PGM5: variants seen among roughly 807,000 people sequenced by gnomAD.
PGM5 encodes the protein phosphoglucomutase-like protein 5.
PGM5 carries 23 observed loss-of-function variants against 59.2 expected under a neutral mutation model. The ratio of observed to expected loss-of-function variants is 0.39; its 90% CI spans 0.28 to 0.55. The LOEUF (loss-of-function observed/expected upper bound fraction) is 0.55. PGM5 is among the 20% of genes least tolerant of loss of function. The pLI, the probability that PGM5 is intolerant of heterozygous loss-of-function variation, is 0.66. For missense variants in PGM5, 574 were observed against 748.3 expected (o/e 0.77, Z 2.72); for synonymous variants, 214 against 286.0 (o/e 0.75, Z 2.54).
chr9:68,356,974 C>T lies in PGM5; in HGVS notation c.-154C>T, dbSNP rs1405568298. The T allele has an allele frequency of 3.5e-4, 243 of 685,918 alleles. 1 individual carries two copies. The highest frequency in any genetic ancestry group is 3.4e-3 in the Middle Eastern group (8 of 2,332). The allele number at this position is 685,918 out of a possible 1,614,324, so 42.5% of individuals were successfully genotyped here. On this transcript the variant is annotated 5_prime_UTR_variant, in exon 1 of 11. Transcript: ENST00000396396. Reference sequence around the variant, plus strand: ...AGAGGAGGGGCGGGCGGTCCCCAGGCGGGCGGGTGCAGGGCGCAGGGCGCC... The same window carrying T: ...AGAGGAGGGGCGGGCGGTCCCCAGGTGGGCGGGTGCAGGGCGCAGGGCGCC...
chr9:68,471,199 G>A (rs548226406), intron 7 of PGM5, among the ~76,000 whole-genome samples: 4 of 152,316 alleles, frequency 2.6e-5, no homozygotes, highest in African/African-American at 9.6e-5. Flanking sequence ...AGAGTATCCT[G>A]GGACTGACTG....
At chr9:68,499,398 C>T in intron 10 of PGM5, 37 bp downstream of exon 10, 2 of 1,597,868 alleles carry the variant, frequency 1.3e-6, no homozygotes, top group Admixed American at 3.5e-5. Flanking sequence ...GTGTGTCTCG[C>T]AGCTCCTGGC....
intron 9 of PGM5, among the ~76,000 whole-genome samples, chr9:68,488,714 C>T (rs1244976774): frequency 6.6e-6 from 1 of 152,140 alleles, no homozygotes; most frequent in East Asian, 1.9e-4. Context: ...AAGAGAGACT[C>T]TGTTTGATTT....
intron 1 of PGM5, among the ~76,000 whole-genome samples, chr9:68,360,703 C>T (rs1448427420): frequency 6.6e-6 from 1 of 152,004 alleles, no homozygotes; most frequent in Non-Finnish European, 1.5e-5. Context: ...AGATTGTAAA[C>T]ATTTTCCTAT....
In PGM5 at chr9:68,431,664, A is replaced by T. The variant is rs1294804016; in HGVS notation, c.1044-33429A>T. ...CAGTCTTCTTCTAGAATGATCTTAT[A>T]ACAGCTAGAAGGGCAAAATACACTT... On this transcript the variant is annotated intron_variant, in intron 6 of 10. Transcript: ENST00000396396. Among the ~76,000 whole-genome samples, 9 of 152,202 alleles carry T rather than the reference A, an allele frequency of 5.9e-5. 1 individual carries two copies. The highest frequency in any genetic ancestry group is 1.3e-4 in the Admixed American group (2 of 15,278).
At chr9:68,425,359 A>G (rs899891841) in intron 6 of PGM5, among the ~76,000 whole-genome samples, 1 of 152,196 alleles carries the variant, frequency 6.6e-6, no homozygotes, top group South Asian at 2.1e-4. Context: ...TCCACCATGA[A>G]AGGGGTCGAG....
At chr9:68,485,013 A>T (rs1344971872) in intron 9 of PGM5, among the ~76,000 whole-genome samples, 1 of 152,216 alleles carries the variant, frequency 6.6e-6, no homozygotes, top group Non-Finnish European at 1.5e-5. Flanking sequence ...TTGCTCACCG[A>T]CAAGGAAGGC....
chr9:68,460,737 C>G (rs1350935250), intron 6 of PGM5, among the ~76,000 whole-genome samples: 2 of 152,138 alleles, frequency 1.3e-5, no homozygotes, highest in African/African-American at 4.8e-5. Flanking sequence ...TATTAGTCAA[C>G]TGAAATCATA....
intron 6 of PGM5, among the ~76,000 whole-genome samples, chr9:68,439,456 T>C (rs961620167): frequency 6.2e-5 from 9 of 146,018 alleles, no homozygotes; most frequent in African/African-American, 2.0e-4. Flanking sequence ...ATATGTAAAA[T>C]ATATATATAT....
chr9:68,507,052 G>C (rs141571899), intron 10 of PGM5, among the ~76,000 whole-genome samples: 2 of 152,096 alleles, frequency 1.3e-5, no homozygotes, highest in African/African-American at 4.8e-5. Flanking sequence ...GAAAACCTGA[G>C]CAAGGATATA....
intron 6 of PGM5, among the ~76,000 whole-genome samples, chr9:68,431,631 T>TA (rs1264636313): frequency 2.0e-5 from 3 of 152,174 alleles, no homozygotes; most frequent in Non-Finnish European, 2.9e-5. Context: ...CCTCAGGAGA[T>TA]AAAATCACAG....
intron 6 of PGM5, among the ~76,000 whole-genome samples, chr9:68,431,903 G>A (rs955994603): frequency 2.6e-5 from 4 of 152,084 alleles, no homozygotes; most frequent in African/African-American, 9.7e-5. Flanking sequence ...TGGGGATGGG[G>A]GTGGGTGATC....
chr9:68,529,037 G>A (rs772546342), intron 10 of PGM5, among the ~76,000 whole-genome samples: 26 of 152,238 alleles, frequency 1.7e-4, no homozygotes, highest in Middle Eastern at 3.4e-3. Flanking sequence ...CCAGTGTTAC[G>A]TAATGGGAAG....
intron 10 of PGM5, among the ~76,000 whole-genome samples, chr9:68,502,473 A>G (rs1554688733): frequency 6.6e-6 from 1 of 152,180 alleles, no homozygotes; most frequent in African/African-American, 2.4e-5. Context: ...GGAGTAGTTA[A>G]GGAACAATAG....
intron 8 of PGM5, among the ~76,000 whole-genome samples, chr9:68,482,105 G>A (rs1159087440): frequency 2.0e-5 from 3 of 152,134 alleles, no homozygotes; most frequent in African/African-American, 7.2e-5. Flanking sequence ...CGGGGATTTG[G>A]GGGTGGAAGG....
At chr9:68,392,044 C>T (rs1224389516) in intron 5 of PGM5, among the ~76,000 whole-genome samples, 2 of 152,036 alleles carry the variant, frequency 1.3e-5, no homozygotes, top group Admixed American at 1.3e-4. Context: ...AACCAGTGTT[C>T]TCTATTATGT....
chr9:68,456,360 A>C (rs920240188), intron 6 of PGM5, among the ~76,000 whole-genome samples: 1 of 150,008 alleles, frequency 6.7e-6, no homozygotes, highest in Non-Finnish European at 1.5e-5. Context: ...ACCCAGGCTG[A>C]AGTGCAGTGG....
chr9:68,499,511 G>C, intron 10 of PGM5, 150 bp downstream of exon 10: 1 of 762,920 alleles, frequency 1.3e-6, no homozygotes, highest in South Asian at 1.9e-5. Context: ...CTCCAAGCAA[G>C]TTTAATTCGT....
At position 68,499,142 on chromosome 9, in the gene PGM5, A is replaced by G. The variant is rs1166708427; in HGVS notation, c.1480-85A>G. 2.9e-5 allele frequency: 41 copies of G among 1,433,226 alleles called. 1 individual carries two copies. The East Asian group carries it at 8.4e-4, about 29-fold the overall frequency. 88.8% of individuals were successfully genotyped at this position (1,433,226 alleles called of 1,614,324 possible). A position where few individuals can be genotyped will look rare whatever the true frequency, so the allele number is the denominator to read the frequency against. On this transcript the variant is annotated intron_variant, in intron 9 of 10. Coordinates refer to ENST00000396396, the MANE Select transcript of PGM5 (RefSeq NM_021965.4). ...TCTGATTGTGTTGAGGTATAAAAAC[A>G]TGCTGATTTCTGTGGCAGGTATTAA...
Sources: allele counts gnomAD v4.1 joint callset (sites outside exome capture counted in the v4.1 genomes callset), GRCh38; gene constraint gnomAD v4.1.1; transcripts MANE v1.5; gene names NCBI Gene and HGNC (gene_info 2026-07-23, HGNC 2026-07-21).